Variants in MAF observed in about 807,000 individuals in gnomAD.
The protein encoded by MAF is MAF bZIP transcription factor.
Under a neutral mutation model 22.0 loss-of-function variants are expected in MAF, and 10 were observed. That is an observed-to-expected ratio of 0.45 (90% CI 0.28 to 0.77). The LOEUF is 0.77. Among genes scored for constraint, MAF ranks in the 30% least tolerant of loss-of-function variants. MAF has a pLI of 0.12. For synonymous variants in MAF, 337 were observed against 255.8 expected (o/e 1.32, Z -3.03); for missense variants, 544 against 548.4 (o/e 0.99, Z 0.08).
the MAF span, among the ~76,000 whole-genome samples, chr16:79,512,021 T>A: frequency 6.6e-6 from 1 of 152,232 alleles, no homozygotes; most frequent in Non-Finnish European, 1.5e-5. Context: ...TGACACCCAG[T>A]GCACGAACTT....
At chr16:79,224,342 TA>T in the MAF span, among the ~76,000 whole-genome samples, 3 of 152,142 alleles carry the variant, frequency 2.0e-5, no homozygotes, top group African/African-American at 7.2e-5. Flanking sequence ...ATAAACTAGG[TA>T]TTGATGGAAC....
chr16:79,216,913 G>C, the MAF span, among the ~76,000 whole-genome samples: 33 of 151,830 alleles, frequency 2.2e-4, no homozygotes, highest in Admixed American at 7.9e-4. Context: ...GGGTTCAAGA[G>C]ATTCTCCTGC....
the MAF span, among the ~76,000 whole-genome samples, chr16:79,236,994 T>G: frequency 6.6e-6 from 1 of 151,766 alleles, no homozygotes; most frequent in Non-Finnish European, 1.5e-5. Flanking sequence ...GCTTATGAGT[T>G]GGTTTAGAAT....
the MAF span, among the ~76,000 whole-genome samples, chr16:79,254,680 G>T: frequency 6.6e-6 from 1 of 151,976 alleles, no homozygotes; most frequent in Non-Finnish European, 1.5e-5. Flanking sequence ...TCGGTTCCTG[G>T]ATTATTCTCC....
At chr16:79,261,684 G>C in the MAF span, among the ~76,000 whole-genome samples, 270 of 152,304 alleles carry the variant, frequency 1.8e-3, 2 homozygotes, top group African/African-American at 6.1e-3. Context: ...CTGCAGTGGA[G>C]CCCTCTTCTG....
At chr16:79,340,316 G>A in the MAF span, among the ~76,000 whole-genome samples, 1 of 151,720 alleles carries the variant, frequency 6.6e-6, no homozygotes, top group Non-Finnish European at 1.5e-5. Context: ...TTATTGTCAC[G>A]ATGATGATGA....
chr16:79,567,021 T>A, the MAF span, among the ~76,000 whole-genome samples: 1 of 152,168 alleles, frequency 6.6e-6, no homozygotes, highest in African/African-American at 2.4e-5. Context: ...CTACCTACAA[T>A]TGAGATGCAA....
chr16:79,490,950 C>T, the MAF span, among the ~76,000 whole-genome samples: 2 of 151,920 alleles, frequency 1.3e-5, no homozygotes, highest in South Asian at 2.1e-4. Context: ...GATGAGACGC[C>T]CAAAGTGTGA....
chr16:79,378,355 G>A, the MAF span, among the ~76,000 whole-genome samples: 1 of 152,102 alleles, frequency 6.6e-6, no homozygotes, highest in Non-Finnish European at 1.5e-5. Context: ...GAGAAAAAAG[G>A]AAGCCCATAG....
chr16:79,597,909 T>G (rs1265370067), intron 1 of MAF: 1 of 1,037,990 alleles, frequency 9.6e-7, no homozygotes, highest in Non-Finnish European at 1.2e-6. Context: ...GAGATGAGAA[T>G]GAGTTTTTTT....
chr16:79,376,732 G>C, the MAF span, among the ~76,000 whole-genome samples: 2 of 151,910 alleles, frequency 1.3e-5, no homozygotes, highest in Non-Finnish European at 2.9e-5. Flanking sequence ...CTGTGTCCAT[G>C]TGTTATTGTT....
the MAF span, among the ~76,000 whole-genome samples, chr16:79,219,287 C>T: frequency 5.3e-5 from 8 of 152,174 alleles, no homozygotes; most frequent in Non-Finnish European, 1.0e-4. Context: ...TGATGCTGGG[C>T]ATTCCCTGAG....
the MAF span, among the ~76,000 whole-genome samples, chr16:79,478,599 T>C: frequency 7.2e-5 from 11 of 152,290 alleles, no homozygotes; most frequent in East Asian, 1.7e-3. Context: ...CACCCCTGTA[T>C]ACCACACAAT....
At chr16:79,451,649 G>T in the MAF span, among the ~76,000 whole-genome samples, 3 of 152,136 alleles carry the variant, frequency 2.0e-5, no homozygotes, top group Non-Finnish European at 4.4e-5. Context: ...AAAGTTTGAA[G>T]TATATACATT....
At chr16:79,581,116 G>A (rs936861008), downstream of MAF, among the ~76,000 whole-genome samples, 1 of 151,798 alleles carries the variant, frequency 6.6e-6, no homozygotes, top group Non-Finnish European at 1.5e-5. Context: ...TGTACAGTAA[G>A]CACCTTAAGT....
chr16:79,346,601 T>C, the MAF span, among the ~76,000 whole-genome samples: 2 of 152,176 alleles, frequency 1.3e-5, no homozygotes, highest in Non-Finnish European at 2.9e-5. Flanking sequence ...TTGAAGGTGA[T>C]GATGGATGGT....
the MAF span, among the ~76,000 whole-genome samples, chr16:79,328,526 C>T: frequency 6.6e-6 from 1 of 152,142 alleles, no homozygotes; most frequent in East Asian, 1.9e-4. Context: ...GATTGGCTGC[C>T]AGTTTCTTAA....
the MAF span, among the ~76,000 whole-genome samples, chr16:79,395,978 T>C: frequency 6.6e-6 from 1 of 152,128 alleles, no homozygotes; most frequent in Non-Finnish European, 1.5e-5. Flanking sequence ...GACTGAATAA[T>C]TGCCTCAGTT....
chr16:79,433,216 C>A, the MAF span, among the ~76,000 whole-genome samples: 1 of 148,762 alleles, frequency 6.7e-6, no homozygotes, highest in African/African-American at 2.5e-5. Flanking sequence ...TTTTCTCTCG[C>A]AAAGGATTCA....
Sources: gnomAD v4.1 joint callset for allele counts (sites outside exome capture counted in the v4.1 genomes callset) on GRCh38, gnomAD v4.1.1 for gene constraint, MANE v1.5 for transcripts, NCBI Gene and HGNC (gene_info 2026-07-23, HGNC 2026-07-21) for gene names.